The following NBEA variants were observed in gnomAD, a reference collection of about 807,000 sequenced individuals.
NBEA encodes the protein neurobeachin.
A neutral mutation model predicts 343.4 loss-of-function variants in NBEA; 44 were observed. The observed-to-expected ratio is 0.13, with a 90% CI of 0.10 to 0.16. NBEA has a LOEUF of 0.16. NBEA is among the 10% of genes least tolerant of loss of function. NBEA has a pLI of 1.00. For missense variants in NBEA, 2,555 were observed against 3,631.3 expected (o/e 0.70, Z 7.62); for synonymous variants, 1,175 against 1,238.7 (o/e 0.95, Z 1.08).
At chr13:35,608,889 A>T (rs117965945) in intron 48 of NBEA, among the ~76,000 whole-genome samples, 1 of 152,358 alleles carries the variant, frequency 6.6e-6, no homozygotes, top group Non-Finnish European at 1.5e-5. Flanking sequence ...TAATTTATCC[A>T]TGGCAGAGCC....
intron 17 of NBEA, among the ~76,000 whole-genome samples, chr13:35,125,710 A>G (rs377190554): frequency 2.0e-5 from 3 of 152,224 alleles, no homozygotes; most frequent in Non-Finnish European, 2.9e-5. Flanking sequence ...GATAAAAAAC[A>G]TGGAAAAAAT....
chr13:35,124,723 TACACATATGTATGGATATATAC>T, intron 17 of NBEA, among the ~76,000 whole-genome samples: 1 of 151,616 alleles, frequency 6.6e-6, no homozygotes, highest in South Asian at 2.1e-4. Context: ...TGGATATATA[TACACATATGTATGGATATATAC>T]ACACATATGT....
At chr13:35,124,497 T>TACACAC (rs375090464) in intron 17 of NBEA, among the ~76,000 whole-genome samples, 18 of 146,174 alleles carry the variant, frequency 1.2e-4, no homozygotes, top group African/African-American at 3.7e-4. Context: ...TGTGTGTGTA[T>TACACAC]ACACACACAC....
chr13:35,275,864 G>C (rs917366254), intron 34 of NBEA, among the ~76,000 whole-genome samples: 2 of 151,736 alleles, frequency 1.3e-5, no homozygotes, highest in African/African-American at 4.8e-5. Context: ...AACAGATCCT[G>C]GGGGGAGGGA....
intron 8 of NBEA, among the ~76,000 whole-genome samples, chr13:35,063,181 C>G (rs990219465): frequency 1.3e-5 from 2 of 151,984 alleles, no homozygotes; most frequent in Non-Finnish European, 2.9e-5. Flanking sequence ...TTAGCCTTCA[C>G]TAATTCATCC....
intron 46 of NBEA, among the ~76,000 whole-genome samples, chr13:35,590,618 G>A (rs577611208): frequency 1.5e-3 from 229 of 152,128 alleles, no homozygotes; most frequent in Non-Finnish European, 2.6e-3. Context: ...AGCTTTTAGC[G>A]GCTGATGATA....
intron 49 of NBEA, among the ~76,000 whole-genome samples, chr13:35,641,999 TTAAG>T (rs2083980073): frequency 1.3e-5 from 2 of 152,184 alleles, no homozygotes; most frequent in African/African-American, 4.8e-5. Context: ...CTTAATAACA[TTAAG>T]AAAGAATATT....
intron 34 of NBEA, among the ~76,000 whole-genome samples, chr13:35,270,092 AT>A (rs1377652960): frequency 2.6e-5 from 4 of 152,142 alleles, no homozygotes; most frequent in Admixed American, 2.0e-4. Context: ...TCTCCAAATT[AT>A]TTTTTTCTTA....
intron 38 of NBEA, among the ~76,000 whole-genome samples, chr13:35,417,836 G>T (rs141040504): frequency 2.0e-5 from 3 of 152,130 alleles, no homozygotes; most frequent in Non-Finnish European, 4.4e-5. Flanking sequence ...ACAGTGGGGT[G>T]TTAAAATCTC....
At chr13:35,371,609 T>C (rs2041437898) in intron 38 of NBEA, among the ~76,000 whole-genome samples, 1 of 152,160 alleles carries the variant, frequency 6.6e-6, no homozygotes, top group African/African-American at 2.4e-5. Flanking sequence ...TTCATAAATT[T>C]CTTTTTCTTT....
intron 11 of NBEA, among the ~76,000 whole-genome samples, chr13:35,102,797 A>T (rs2065711544): frequency 6.6e-6 from 1 of 151,684 alleles, no homozygotes; most frequent in Non-Finnish European, 1.5e-5. Flanking sequence ...TTTCAGAAAA[A>T]TTTTTGTAGA....
At chr13:35,001,000 G>A (rs892487750) in intron 1 of NBEA, among the ~76,000 whole-genome samples, 1 of 151,938 alleles carries the variant, frequency 6.6e-6, no homozygotes, top group Admixed American at 6.6e-5. Context: ...GGAGGTCTTA[G>A]TATGTTTCTG....
intron 32 of NBEA, among the ~76,000 whole-genome samples, chr13:35,210,603 C>T (rs2073706212): frequency 6.6e-6 from 1 of 152,104 alleles, no homozygotes; most frequent in Non-Finnish European, 1.5e-5. Flanking sequence ...CCTTCTTAAG[C>T]AGTGATCTTA....
chr13:35,652,742 T>C (rs1277045349), intron 53 of NBEA, among the ~76,000 whole-genome samples: 20 of 114,104 alleles, frequency 1.8e-4, no homozygotes, highest in Admixed American at 8.9e-4. Flanking sequence ...TCGCCCAGGC[T>C]GGAGTACAGT....
chr13:34,956,776 CGTT>C (rs1034798224), intron 1 of NBEA, among the ~76,000 whole-genome samples: 7 of 152,204 alleles, frequency 4.6e-5, no homozygotes, highest in Admixed American at 1.3e-4. Flanking sequence ...AGTGATTTCA[CGTT>C]GTTGTTCAAC....
At chr13:35,214,796 A>G (rs1265208061) in intron 33 of NBEA, among the ~76,000 whole-genome samples, 1 of 151,660 alleles carries the variant, frequency 6.6e-6, no homozygotes, top group South Asian at 2.1e-4. Context: ...ATTCTACTAT[A>G]TTTTCTTCTA....
chr13:35,051,580 G>C (rs1388077998), intron 6 of NBEA, among the ~76,000 whole-genome samples: 2 of 151,850 alleles, frequency 1.3e-5, no homozygotes, highest in Admixed American at 6.6e-5. Flanking sequence ...CTTAGAAAAT[G>C]ATTTAAAAAG....
chr13:35,441,435 G>A (rs1317737932), intron 39 of NBEA, among the ~76,000 whole-genome samples: 2 of 152,126 alleles, frequency 1.3e-5, no homozygotes, highest in Admixed American at 6.6e-5. Context: ...TTGGCATAAT[G>A]TAATTAAAAT....
chr13:35,008,537 T>G (rs546572212), intron 1 of NBEA, among the ~76,000 whole-genome samples: 80 of 152,326 alleles, frequency 5.3e-4, no homozygotes, highest in Middle Eastern at 6.8e-3. Context: ...TCCCCAAATA[T>G]TTTTGATCCA....
Sources: allele counts gnomAD v4.1 joint callset (sites outside exome capture counted in the v4.1 genomes callset), GRCh38; gene constraint gnomAD v4.1.1; transcripts MANE v1.5; gene names NCBI Gene and HGNC (gene_info 2026-07-23, HGNC 2026-07-21).